RCAN2: variants seen among roughly 807,000 people sequenced by gnomAD.
RCAN2 encodes regulator of calcineurin 2, also known as calcipressin-2.
In RCAN2, 9 loss-of-function variants were observed where a neutral mutation model predicts 23.6. That is an observed-to-expected ratio of 0.38 (90% CI 0.23 to 0.67). The LOEUF is 0.67. RCAN2 is among the 30% of genes least tolerant of loss of function. RCAN2 has a pLI of 0.51. For missense variants in RCAN2, 273 were observed against 302.3 expected, an observed-to-expected ratio of 0.90 and a Z score of 0.72; for synonymous variants, 109 against 115.7, an observed-to-expected ratio of 0.94 and a Z score of 0.37.
intron 2 of RCAN2, among the ~76,000 whole-genome samples, chr6:46,425,815 T>C (rs1331233771): frequency 6.6e-6 from 1 of 152,120 alleles, no homozygotes; most frequent in Non-Finnish European, 1.5e-5. Context: ...AATTATACAT[T>C]AAATATTTCT....
chr6:46,259,074 C>T (rs1182983631), intron 2 of RCAN2, among the ~76,000 whole-genome samples: 1 of 151,962 alleles, frequency 6.6e-6, no homozygotes, highest in African/African-American at 2.4e-5. Context: ...TGGACTCAGC[C>T]ACTCTGGAGG....
chr6:46,349,939 T>C (rs2150377599), intron 2 of RCAN2, among the ~76,000 whole-genome samples: 1 of 152,288 alleles, frequency 6.6e-6, no homozygotes, highest in East Asian at 1.9e-4. Context: ...GACAATAAGA[T>C]TCAAAATGTT....
rs180746426 is a variant in RCAN2, at chr6:46,291,439, C to A, written c.226-42543G>T. Among the ~76,000 whole-genome samples the A allele has an allele frequency of 2.0e-3, 304 of 151,890 alleles. 3 individuals are homozygous for A. The highest frequency in any genetic ancestry group is 7.2e-3 in the African/African-American group (298 of 41,430). On this transcript the variant is annotated intron_variant, in intron 2 of 4. Coordinates refer to ENST00000371374, the MANE Select transcript of RCAN2 (RefSeq NM_001251974.2). Reference sequence around the variant, plus strand: ...GCTGTGGAGTGCCACCGAGTCCCAGCGGTGGGAACCAAGTTTGCCTACAAT... The same window carrying A: ...GCTGTGGAGTGCCACCGAGTCCCAGAGGTGGGAACCAAGTTTGCCTACAAT...
At chr6:46,310,740 T>C (rs1763229730) in intron 2 of RCAN2, among the ~76,000 whole-genome samples, 1 of 152,210 alleles carries the variant, frequency 6.6e-6, no homozygotes. Context: ...AGAATTTGTC[T>C]AAGAGTTATT....
At chr6:46,401,802 A>G (rs1007709179) in intron 2 of RCAN2, among the ~76,000 whole-genome samples, 1 of 152,178 alleles carries the variant, frequency 6.6e-6, no homozygotes, top group Non-Finnish European at 1.5e-5. Flanking sequence ...TTCCCATGAG[A>G]GCCCCAGAGA....
chr6:46,410,462 A>G (rs1239128128), intron 2 of RCAN2, among the ~76,000 whole-genome samples: 1 of 152,238 alleles, frequency 6.6e-6, no homozygotes, highest in Non-Finnish European at 1.5e-5. Context: ...AAAAAAAGGT[A>G]ACCAGGATTG....
At chr6:46,328,903 C>G (rs145281492) in intron 2 of RCAN2, among the ~76,000 whole-genome samples, 11 of 152,322 alleles carry the variant, frequency 7.2e-5, no homozygotes, top group African/African-American at 1.9e-4. Flanking sequence ...ACCACCACCC[C>G]TAGCCGAGAA....
chr6:46,335,061 T>C (rs1000275397), intron 2 of RCAN2, among the ~76,000 whole-genome samples: 1 of 152,172 alleles, frequency 6.6e-6, no homozygotes, highest in Non-Finnish European at 1.5e-5. Context: ...TCCTCCCATA[T>C]TGGATGTGTC....
At chr6:46,442,856 A>T (rs926115930) in intron 2 of RCAN2, among the ~76,000 whole-genome samples, 3 of 152,156 alleles carry the variant, frequency 2.0e-5, no homozygotes, top group African/African-American at 7.2e-5. Context: ...TGGAGAAGCA[A>T]GATACTAAAT....
At chr6:46,402,826 C>T (rs1766290595) in intron 2 of RCAN2, among the ~76,000 whole-genome samples, 1 of 152,200 alleles carries the variant, frequency 6.6e-6, no homozygotes, top group Admixed American at 6.5e-5. Flanking sequence ...TCTGAAGGCT[C>T]CTGTGTATAC....
chr6:46,356,454 A>T (rs1194035305), intron 2 of RCAN2, among the ~76,000 whole-genome samples: 1 of 151,430 alleles, frequency 6.6e-6, no homozygotes, highest in Non-Finnish European at 1.5e-5. Context: ...GGAGGGTGGC[A>T]TTTTTTTTTC....
At chr6:46,337,258 G>A (rs1218892294) in intron 2 of RCAN2, among the ~76,000 whole-genome samples, 1 of 152,154 alleles carries the variant, frequency 6.6e-6, no homozygotes, top group African/African-American at 2.4e-5. Context: ...AATTAAGGAA[G>A]AATATTATTG....
chr6:46,243,453 C>G (rs1766380676), intron 4 of RCAN2, among the ~76,000 whole-genome samples: 1 of 152,084 alleles, frequency 6.6e-6, no homozygotes, highest in South Asian at 2.1e-4. Flanking sequence ...GCACAAGTCT[C>G]CATTTGCACA....
At position 46,221,629 on chromosome 6, in the gene RCAN2, CTA is replaced by C. The variant is rs1318727372; in HGVS notation, c.*1510_*1511del. Reference sequence around the variant, plus strand: ...GGACTTTAATTTCTGAGTGATCAGTCTATGTTTTAAGTTTCTGATGAAACTAA... The same window carrying C: ...GGACTTTAATTTCTGAGTGATCAGTCTGTTTTAAGTTTCTGATGAAACTAA... On this transcript the variant is annotated 3_prime_UTR_variant, in exon 5 of 5. Coordinates refer to ENST00000371374, the MANE Select transcript of RCAN2 (RefSeq NM_001251974.2). 2.0e-5 allele frequency: 6 copies of C among 298,500 alleles called. No individual in the cohort carries two copies. The highest frequency in any genetic ancestry group is 3.7e-5 in the Non-Finnish European group (6 of 163,108). The allele number at this position is 298,500 out of a possible 1,614,324, so 18.5% of individuals were successfully genotyped here. A position where few individuals can be genotyped will look rare whatever the true frequency, so the allele number is the denominator to read the frequency against.
chr6:46,303,572 T>C (rs1020715522), intron 2 of RCAN2, among the ~76,000 whole-genome samples: 2 of 152,040 alleles, frequency 1.3e-5, no homozygotes, highest in Non-Finnish European at 1.5e-5. Context: ...CCACTATCAT[T>C]GTAACCCCTG....
chr6:46,235,812 A>G (rs1378734819), intron 4 of RCAN2, among the ~76,000 whole-genome samples: 1 of 152,126 alleles, frequency 6.6e-6, no homozygotes, highest in Non-Finnish European at 1.5e-5. Context: ...CCTCCCACCC[A>G]AAATACTCTT....
At chr6:46,417,921 G>T (rs535517443) in intron 2 of RCAN2, among the ~76,000 whole-genome samples, 2 of 152,144 alleles carry the variant, frequency 1.3e-5, no homozygotes, top group African/African-American at 4.8e-5. Flanking sequence ...GAAAACTGAG[G>T]CTTAGATTTG....
intron 2 of RCAN2, among the ~76,000 whole-genome samples, chr6:46,397,126 A>G (rs905198605): frequency 1.3e-5 from 2 of 152,176 alleles, no homozygotes; most frequent in African/African-American, 4.8e-5. Context: ...AAAATAAAAA[A>G]GTAACCTAGA....
At chr6:46,340,315 G>T (rs537803054) in intron 2 of RCAN2, among the ~76,000 whole-genome samples, 1 of 134,236 alleles carries the variant, frequency 7.4e-6, no homozygotes, top group Non-Finnish European at 1.7e-5. Flanking sequence ...TGAAGTCTTA[G>T]ATGTATTTAT....
Sources: allele counts gnomAD v4.1 joint callset (sites outside exome capture counted in the v4.1 genomes callset), GRCh38; gene constraint gnomAD v4.1.1; transcripts MANE v1.5; gene names NCBI Gene and HGNC (gene_info 2026-07-23, HGNC 2026-07-21).